THSD7B: variants seen among roughly 807,000 people sequenced by gnomAD.
THSD7B encodes the protein thrombospondin type 1 domain containing 7B.
THSD7B carries 138 observed loss-of-function variants against 213.6 expected under a neutral mutation model. The observed-to-expected ratio is 0.65, with a 90% CI of 0.56 to 0.74. THSD7B has a LOEUF of 0.74. Ranked by LOEUF, THSD7B falls within the 30% of genes least tolerant of loss-of-function variation. The pLI, the probability that THSD7B is intolerant of heterozygous loss-of-function variation, is 0.00. For synonymous variants in THSD7B, 742 were observed against 687.0 expected (o/e 1.08, Z -1.25); for missense variants, 1,931 against 1,991.5 (o/e 0.97, Z 0.58).
chr2:136,875,612 T>C (rs559656255), intron 1 of THSD7B, among the ~76,000 whole-genome samples: 1 of 152,314 alleles, frequency 6.6e-6, no homozygotes, highest in East Asian at 1.9e-4. Flanking sequence ...TTGTTAGTGA[T>C]AGCCAGATTA....
At chr2:137,401,634 C>CTTTTTTTTT (rs35834967) in intron 12 of THSD7B, among the ~76,000 whole-genome samples, 9 of 132,678 alleles carry the variant, frequency 6.8e-5, no homozygotes, top group African/African-American at 1.1e-4. Flanking sequence ...TTCTTTCTTT[C>CTTTTTTTTT]TTTTTTTTTT....
chr2:137,312,422 G>A (rs545630756), intron 12 of THSD7B, among the ~76,000 whole-genome samples: 8,071 of 144,104 alleles, frequency 0.056, 356 homozygotes, highest in East Asian at 0.093. Context: ...TCTTGCTAGT[G>A]GTCTATCAAT....
In THSD7B at chr2:137,297,481, T is replaced by C. The variant is rs1384418409; in HGVS notation, c.2500+21455T>C. Among the ~76,000 whole-genome samples, 9 of 152,010 alleles carry C rather than the reference T, an allele frequency of 5.9e-5. No individual in the cohort carries two copies. In the East Asian group the frequency reaches 1.7e-3, roughly 29 times the overall value. ...ATTCCAGGTAAGAAATACTCAGATA[T>C]CTAAAAAGGAGTAAATTGATCACCA... On this transcript the variant is annotated intron_variant, in intron 12 of 27. Coordinates refer to ENST00000409968, the MANE Select transcript of THSD7B (RefSeq NM_001316349.2).
At chr2:137,523,048 C>T (rs541437460) in intron 15 of THSD7B, among the ~76,000 whole-genome samples, 17 of 152,232 alleles carry the variant, frequency 1.1e-4, no homozygotes, top group South Asian at 8.3e-4. Context: ...AAGGCCACAA[C>T]GTAAAAATGC....
At chr2:137,591,160 T>A (rs552149996) in intron 17 of THSD7B, among the ~76,000 whole-genome samples, 1 of 152,078 alleles carries the variant, frequency 6.6e-6, no homozygotes, top group Non-Finnish European at 1.5e-5. Context: ...CTGATCTTTT[T>A]ATTTTCTAAT....
Position 137,466,924 on chromosome 2 carries a change from G to T in THSD7B, c.3138+15901G>T, listed in dbSNP as rs899251555. ...TCATCCTCTGGTTGTTAGCAAAATG[G>T]CCCAGCAGTTTGCAGAGTAGCCTCC... On this transcript the variant is annotated intron_variant, in intron 15 of 27. Transcript: ENST00000409968. Among the ~76,000 whole-genome samples the T allele has an allele frequency of 5.9e-5, 9 of 152,158 alleles. No individual in the cohort carries two copies. In the South Asian group the frequency reaches 1.5e-3, roughly 25 times the overall value.
intron 7 of THSD7B, among the ~76,000 whole-genome samples, chr2:137,180,197 G>A (rs1680429421): frequency 6.6e-6 from 1 of 152,164 alleles, no homozygotes; most frequent in Non-Finnish European, 1.5e-5. Flanking sequence ...CAGTAGGTCA[G>A]AGATGGAAAG....
rs778859558 is a variant in THSD7B, at chr2:136,899,308, C to T, written c.139+16991C>T. Among the ~76,000 whole-genome samples the T allele has an allele frequency of 2.6e-5, 4 of 152,120 alleles. No individual in the cohort carries two copies. In the South Asian group the frequency reaches 8.3e-4, roughly 31 times the overall value. ...TTTTCATTTTCATATTTATTTGTAT[C>T]GTGTATTATTACACACCTTAAGTAA... On this transcript the variant is annotated intron_variant, in intron 2 of 27. Transcript: ENST00000409968.
rs576463335 is a variant in THSD7B, at chr2:137,056,445, C to A, written c.165C>A (p.Asp55Glu). 1.2e-6 allele frequency: 2 copies of A among 1,613,720 alleles called. No homozygotes were observed. The highest frequency in any genetic ancestry group is 2.7e-5 in the African/African-American group (2 of 75,048). ...GTCCGTGGGGAAGGTGTACAGGAGA[C>A]TGTGGTCCCGGAGGAGTCCAGAGTC... is the stretch of plus-strand genomic sequence containing the variant. ...KPGPWGRCTG[D>E]CGPGGVQSRA... Residue 55 changes from aspartate (D) to glutamate (E), a missense_variant, in exon 3 of 28, where the codon GAC becomes GAA. Physicochemically the swap from Asp to Glu is conservative, Grantham distance 45 (BLOSUM62 2). Coordinates refer to ENST00000409968, the MANE Select transcript of THSD7B (RefSeq NM_001316349.2).
intron 17 of THSD7B, among the ~76,000 whole-genome samples, chr2:137,612,279 A>G (rs1373746094): frequency 6.6e-6 from 1 of 152,298 alleles, no homozygotes; most frequent in East Asian, 1.9e-4. Flanking sequence ...TGAGTTTTCC[A>G]GCTGTGGAAA....
intron 15 of THSD7B, among the ~76,000 whole-genome samples, chr2:137,549,914 G>C (rs1457097411): frequency 6.6e-6 from 1 of 151,956 alleles, no homozygotes; most frequent in Non-Finnish European, 1.5e-5. Flanking sequence ...AGCTAGCATG[G>C]TGTTGCTTTT....
intron 4 of THSD7B, among the ~76,000 whole-genome samples, chr2:137,104,873 C>T (rs2104928668): frequency 6.6e-6 from 1 of 152,258 alleles, no homozygotes; most frequent in Non-Finnish European, 1.5e-5. Context: ...AGTCAAATCC[C>T]TGAATAGACC....
At chr2:136,833,318 A>G (rs1161301259) in intron 1 of THSD7B, among the ~76,000 whole-genome samples, 1 of 122,212 alleles carries the variant, frequency 8.2e-6, no homozygotes, top group Non-Finnish European at 1.6e-5. Flanking sequence ...GAGCTGAGAT[A>G]GTGCCACTGC....
At chr2:137,361,497 C>T (rs113512499) in intron 12 of THSD7B, among the ~76,000 whole-genome samples, 4,227 of 152,128 alleles carry the variant, frequency 0.028, 204 homozygotes, top group African/African-American at 0.096. Flanking sequence ...AAAGATTAGA[C>T]GAATGGCTAA....
At chr2:136,960,325 G>T (rs1685194936) in intron 2 of THSD7B, among the ~76,000 whole-genome samples, 1 of 152,054 alleles carries the variant, frequency 6.6e-6, no homozygotes, top group Admixed American at 6.6e-5. Flanking sequence ...TTTTTGTAGA[G>T]ATGGGGTTTT....
intron 2 of THSD7B, among the ~76,000 whole-genome samples, chr2:136,979,464 A>C (rs528998967): frequency 6.6e-6 from 1 of 151,864 alleles, no homozygotes; most frequent in South Asian, 2.1e-4. Context: ...ACATCATCCC[A>C]TAGTTGTTGG....
At chr2:137,226,434 A>C (rs1229830918) in intron 7 of THSD7B, among the ~76,000 whole-genome samples, 1 of 151,602 alleles carries the variant, frequency 6.6e-6, no homozygotes, top group African/African-American at 2.4e-5. Flanking sequence ...GAAAATAAGA[A>C]TTATAGACTA....
At chr2:136,914,724 C>G (rs557007473) in intron 2 of THSD7B, among the ~76,000 whole-genome samples, 1 of 152,302 alleles carries the variant, frequency 6.6e-6, no homozygotes, top group East Asian at 1.9e-4. Context: ...AATTCTGAGG[C>G]CTTCCCAGCC....
At chr2:137,503,139 C>T (rs1046637166) in intron 15 of THSD7B, among the ~76,000 whole-genome samples, 1 of 152,082 alleles carries the variant, frequency 6.6e-6, no homozygotes, top group Non-Finnish European at 1.5e-5. Flanking sequence ...AGCAAGCATA[C>T]CATTGTTATA....
Sources: allele counts gnomAD v4.1 joint callset (sites outside exome capture counted in the v4.1 genomes callset), GRCh38; gene constraint gnomAD v4.1.1; transcripts MANE v1.5; gene names NCBI Gene and HGNC (gene_info 2026-07-23, HGNC 2026-07-21).